The following TRIP4 variants were observed in gnomAD, a reference collection of about 807,000 sequenced individuals.
TRIP4 encodes the protein thyroid hormone receptor interactor 4, also known as activating signal cointegrator 1.
Under a neutral mutation model 81.8 loss-of-function variants are expected in TRIP4, and 54 were observed. That is an observed-to-expected ratio of 0.66 (90% CI 0.53 to 0.83). The LOEUF is 0.83. Ranked by LOEUF, TRIP4 falls within the 40% of genes least tolerant of loss-of-function variation. The probability of loss-of-function intolerance (pLI) is 0.00; values close to 1 mark genes in which losing one functional copy is unlikely to be tolerated. For synonymous variants in TRIP4, 270 were observed against 242.8 expected (o/e 1.11, Z -1.04); for missense variants, 662 against 683.6 (o/e 0.97, Z 0.35).
intron 9 of TRIP4, among the ~76,000 whole-genome samples, chr15:64,420,759 C>A (rs1891994510): frequency 6.6e-6 from 1 of 151,806 alleles, no homozygotes; most frequent in Non-Finnish European, 1.5e-5. Flanking sequence ...GTCTCGATCT[C>A]CTGATCTTGT....
At chr15:64,389,685 C>T (rs949862680) in intron 1 of TRIP4, among the ~76,000 whole-genome samples, 4 of 146,754 alleles carry the variant, frequency 2.7e-5, no homozygotes, top group African/African-American at 7.5e-5. Flanking sequence ...GTGTTTTTTA[C>T]GAATATAAGT....
intron 11 of TRIP4, among the ~76,000 whole-genome samples, chr15:64,439,588 A>T (rs1275758060): frequency 8.1e-6 from 1 of 123,430 alleles, no homozygotes; most frequent in African/African-American, 3.3e-5. Context: ...CAATGGCGTA[A>T]TCTTGGCTCA....
intron 4 of TRIP4, among the ~76,000 whole-genome samples, chr15:64,398,753 A>C (rs139663580): frequency 1.3e-5 from 2 of 152,204 alleles, no homozygotes; most frequent in East Asian, 3.9e-4. Context: ...TTTGTCTGAG[A>C]GAATGACCTC....
At chr15:64,425,741 G>C in intron 11 of TRIP4, 110 bp downstream of exon 11, 1 of 762,014 alleles carries the variant, frequency 1.3e-6, no homozygotes, top group South Asian at 2.0e-5. Flanking sequence ...TGGGATTATA[G>C]GCATGAGCCA....
At chr15:64,453,151 C>T (rs914642756) in intron 12 of TRIP4, among the ~76,000 whole-genome samples, 3 of 152,152 alleles carry the variant, frequency 2.0e-5, no homozygotes, top group Non-Finnish European at 4.4e-5. Flanking sequence ...CCATTGCACT[C>T]CAGCCTGGGC....
chr15:64,418,632 G>A lies in TRIP4; in HGVS notation c.1262G>A (p.Arg421Gln), dbSNP rs772943170. ...TTCAACTCATTTCAGCACCAGTTGC[G>A]AATCCAGGATCAAGAATTTCAGGAA... ...LEFNSFQHQL[R>Q]IQDQEFQEGF... The change falls in exon 9 of 13, where the codon CGA becomes CAA. Residue 421 changes from arginine to glutamine, a missense_variant. Physicochemically the swap from Arg to Gln is conservative, Grantham distance 43. Coordinates refer to ENST00000261884, the MANE Select transcript of TRIP4 (RefSeq NM_016213.5). 36 of 1,613,968 alleles carry A rather than the reference G, an allele frequency of 2.2e-5. No individual in the cohort carries two copies. Among genetic ancestry groups the A allele is most frequent in the Non-Finnish European group, 2.5e-5 (30 of 1,180,030 alleles).
In TRIP4 at chr15:64,455,115, T is replaced by G. The variant is rs779142525; in HGVS notation, c.*51T>G. The G allele has an allele frequency of 3.2e-5, 49 of 1,541,462 alleles. No individual in the cohort carries two copies. Among genetic ancestry groups the G allele is most frequent in the Middle Eastern group, 1.7e-4 (1 of 5,930 alleles). ...ATAGTGGAGTTTTGTGTACTAAAATTGCTATCTACTGGTCCTTTGGAATTG... is the reference window on the plus strand; with the variant it reads ...ATAGTGGAGTTTTGTGTACTAAAATGGCTATCTACTGGTCCTTTGGAATTG... On this transcript the variant is annotated 3_prime_UTR_variant, in exon 13 of 13. Transcript: ENST00000261884.
chr15:64,395,756 C>G (rs1283217399), intron 3 of TRIP4, among the ~76,000 whole-genome samples: 1 of 135,610 alleles, frequency 7.4e-6, no homozygotes, highest in African/African-American at 2.7e-5. Flanking sequence ...TTTTTTTTTT[C>G]CCCAAGACAG....
At chr15:64,397,179 C>T (rs1900320508) in intron 3 of TRIP4, among the ~76,000 whole-genome samples, 1 of 152,072 alleles carries the variant, frequency 6.6e-6, no homozygotes, top group African/African-American at 2.4e-5. Flanking sequence ...CTGTCCTTTT[C>T]TTAGTGGTTT....
chr15:64,432,966 A>G (rs1366208053), intron 11 of TRIP4, among the ~76,000 whole-genome samples: 1 of 152,010 alleles, frequency 6.6e-6, no homozygotes, highest in African/African-American at 2.4e-5. Context: ...AGAGCCTATT[A>G]TAAATCAGGC....
rs753083582 is a variant in TRIP4, at chr15:64,406,423, A to AG, written c.792dup (p.His265AlafsTer2). ...AAGTCTGGTCTGGAGAAGGCTATCA[A>AG]GCATAAAGACAAACTGTTAGAGTTT... On this transcript the variant is annotated frameshift_variant, in exon 6 of 13. Coordinates refer to ENST00000261884, the MANE Select transcript of TRIP4 (RefSeq NM_016213.5). LOFTEE classifies it high-confidence loss of function. 2.5e-6 allele frequency: 4 copies of AG among 1,614,180 alleles called. No individual in the cohort carries two copies. The highest frequency in any genetic ancestry group is 3.4e-6 in the Non-Finnish European group (4 of 1,180,028).
At chr15:64,418,797 A>T in intron 9 of TRIP4, 69 bp downstream of exon 9, 1 of 1,417,438 alleles carries the variant, frequency 7.1e-7, no homozygotes. Context: ...AGAAATATGA[A>T]TTGGAATTAG....
intron 6 of TRIP4, 102 bp downstream of exon 6, chr15:64,406,561 A>C (rs916586491): frequency 6.2e-5 from 87 of 1,398,700 alleles, no homozygotes; most frequent in Middle Eastern, 5.9e-4. Flanking sequence ...AGTGTGAAAG[A>C]GTTTATAGCA....
intron 8 of TRIP4, among the ~76,000 whole-genome samples, chr15:64,415,661 G>C (rs1891878884): frequency 6.6e-6 from 1 of 152,082 alleles, no homozygotes; most frequent in Non-Finnish European, 1.5e-5. Context: ...ATTGGATTTA[G>C]GGCCTACTAT....
chr15:64,441,601 G>A (rs1892519419), intron 11 of TRIP4, among the ~76,000 whole-genome samples: 1 of 151,718 alleles, frequency 6.6e-6, no homozygotes, highest in African/African-American at 2.4e-5. Context: ...GTGAAACCCC[G>A]TCTCTACTAA....
At chr15:64,400,522 G>C (rs1891471495) in intron 4 of TRIP4, among the ~76,000 whole-genome samples, 1 of 148,486 alleles carries the variant, frequency 6.7e-6, no homozygotes, top group African/African-American at 2.5e-5. Context: ...GACATGTGCA[G>C]TGATATAAGT....
chr15:64,409,541 A>G, intron 6 of TRIP4, 72 bp from the exon 7 acceptor site: 1 of 1,431,662 alleles, frequency 7.0e-7, no homozygotes, highest in Non-Finnish European at 9.8e-7. Context: ...AGTTACCTTG[A>G]AACTGTTTTC....
intron 11 of TRIP4, among the ~76,000 whole-genome samples, chr15:64,426,756 T>C (rs560088209): frequency 5.7e-4 from 85 of 150,308 alleles, no homozygotes; most frequent in African/African-American, 2.0e-3. Context: ...ATCCCAGTGC[T>C]TTGGGAGGCC....
chr15:64,421,002 C>T (rs531583155), intron 9 of TRIP4, among the ~76,000 whole-genome samples: 3 of 152,004 alleles, frequency 2.0e-5, no homozygotes, highest in South Asian at 4.2e-4. Flanking sequence ...ACATGTACAA[C>T]AGTGGTCCCA....
Sources: allele counts gnomAD v4.1 joint callset (sites outside exome capture counted in the v4.1 genomes callset), GRCh38; gene constraint gnomAD v4.1.1; transcripts MANE v1.5; gene names NCBI Gene and HGNC (gene_info 2026-07-23, HGNC 2026-07-21).